The following APOM variants were observed in gnomAD, a reference collection of about 807,000 sequenced individuals.
The protein encoded by APOM is apolipoprotein M.
Under a neutral mutation model 23.5 loss-of-function variants are expected in APOM, and 24 were observed. The observed-to-expected ratio is 1.02, with a 90% CI of 0.74 to 1.44. APOM has a LOEUF of 1.44. Among genes scored for constraint, APOM ranks in the 40% most tolerant of loss-of-function variants. APOM has a pLI of 0.00. For synonymous variants in APOM, 82 were observed against 84.1 expected (o/e 0.97, Z 0.14); for missense variants, 200 against 233.2 (o/e 0.86, Z 0.93).
intron 5 of APOM, 35 bp downstream of exon 5, chr6:31,657,758 A>G (rs1800288027): frequency 1.3e-6 from 2 of 1,555,062 alleles, no homozygotes. Context: ...CAGGATTAGG[A>G]CTCACCAAGT....
At chr6:31,656,317 T>C (rs1296827674) in intron 1 of APOM, among the ~76,000 whole-genome samples, 155 bp from the exon 2 acceptor site, 1 of 152,092 alleles carries the variant, frequency 6.6e-6, no homozygotes, top group African/African-American at 2.4e-5. Context: ...GGAAAAGTCA[T>C]TTAATGACTC....
chr6:31,653,359 G>A (rs1476395894), upstream of APOM, among the ~76,000 whole-genome samples: 1 of 152,148 alleles, frequency 6.6e-6, no homozygotes, highest in Non-Finnish European at 1.5e-5. Flanking sequence ...CTGGGCCAAG[G>A]GCCTCGGCCC....
rs750264591 is a variant in APOM, at chr6:31,657,654, G to A, written c.472G>A (p.Val158Met). The A allele has an allele frequency of 2.5e-6, 4 of 1,613,170 alleles. No homozygotes were observed. In the Admixed American group the frequency reaches 6.7e-5, roughly 27 times the overall value. Reference sequence around the variant, plus strand: ...CTCACCACATCCTCCCGAAAAGTGTGTGGAGGAATTCAAGTCCCTGACTTC... The same window carrying A: ...CTCACCACATCCTCCCGAAAAGTGTATGGAGGAATTCAAGTCCCTGACTTC... ...NRSPHPPEKC[V>M]EEFKSLTSCL... Residue 158 changes from valine to methionine, a missense_variant, in exon 5 of 6, where the codon GTG becomes ATG. Transcript: ENST00000375916.
upstream of APOM, among the ~76,000 whole-genome samples, chr6:31,655,190 C>T (rs980265417): frequency 6.6e-6 from 1 of 152,240 alleles, no homozygotes; most frequent in African/African-American, 2.4e-5. Context: ...ATCCGCCCAC[C>T]TTGGCCTCTC....
In APOM at chr6:31,656,475, C is replaced by T. The variant is rs767015043; in HGVS notation, c.118C>T (p.Pro40Ser). ...TTLGVDGKEF[P>S]EVHLGQWYFI... ...GCTCCCTTCATTGTCTCTCCAGTTC[C>T]CAGAGGTCCACTTGGGCCAGTGGTA... is the stretch of plus-strand genomic sequence containing the variant. The change falls in exon 2 of 6, where the codon CCA becomes TCA. Residue 40 changes from proline (P) to serine (S), a missense_variant. Pro to Ser is a moderately conservative substitution (Grantham distance 74). Transcript: ENST00000375916. The T allele has an allele frequency of 4.3e-6, 7 of 1,613,836 alleles. No individual in the cohort carries two copies. The highest frequency in any genetic ancestry group is 5.9e-6 in the Non-Finnish European group (7 of 1,179,894).
intron 2 of APOM, among the ~76,000 whole-genome samples, chr6:31,656,858 C>T (rs1364111873): frequency 1.3e-5 from 2 of 152,062 alleles, no homozygotes; most frequent in South Asian, 2.1e-4. Context: ...AAATAGAAGC[C>T]GGGACAGGCC....
At chr6:31,658,012 T>C (rs1015252531) in intron 5 of APOM, 52 bp from the exon 6 acceptor site, 1 of 1,608,588 alleles carries the variant, frequency 6.2e-7, no homozygotes, top group Admixed American at 1.7e-5. Context: ...TCAACTTTGC[T>C]TTTCTCCCTG....
Position 31,658,055 on chromosome 6 carries a change from C to T in APOM, c.542-9C>T, listed in dbSNP as rs1297801637. 20 of 1,614,004 alleles carry T rather than the reference C, an allele frequency of 1.2e-5. No homozygotes were observed. Among genetic ancestry groups the T allele is most frequent in the Non-Finnish European group, 1.6e-5 (19 of 1,180,012 alleles). ...CTTCTGTCCTTCTTTTTCCCTCCCCCCATCACAGAGGCCTGTGAGCTGTCC... is the reference window on the plus strand; with the variant it reads ...CTTCTGTCCTTCTTTTTCCCTCCCCTCATCACAGAGGCCTGTGAGCTGTCC... On this transcript the variant is annotated splice_polypyrimidine_tract_variant and intron_variant, in intron 5 of 5. Transcript: ENST00000375916.
chr6:31,654,015 G>A (rs1378358840), upstream of APOM, among the ~76,000 whole-genome samples: 3 of 152,096 alleles, frequency 2.0e-5, no homozygotes, highest in Non-Finnish European at 4.4e-5. Flanking sequence ...GGGAGGATGA[G>A]GCGGGTGGAT....
rs1432154791 is a variant in APOM at position 31,657,625 on chromosome 6, A to T, written c.443A>T (p.Asn148Ile). The T allele has an allele frequency of 1.2e-6, 2 of 1,612,824 alleles. No individual in the cohort carries two copies. The highest frequency in any genetic ancestry group is 1.7e-5 in the Admixed American group (1 of 59,992). ...GQGYQRFLLY[N>I]RSPHPPEKCV... Reference sequence around the variant, plus strand: ...GCCTGACCCCACCTTGCCCTTCCAGATCGCTCACCACATCCTCCCGAAAAG... The same window carrying T: ...GCCTGACCCCACCTTGCCCTTCCAGTTCGCTCACCACATCCTCCCGAAAAG... Residue 148 changes from asparagine (N) to isoleucine (I), a missense_variant and splice_region_variant, in exon 5 of 6, where the codon AAT (asparagine) becomes ATT (isoleucine). By Grantham distance (149) the Asn-to-Ile change is moderately radical (BLOSUM62 -3). Transcript: ENST00000375916.
intron 1 of APOM, 104 bp from the exon 2 acceptor site, chr6:31,656,368 G>A: frequency 1.6e-6 from 2 of 1,257,176 alleles, no homozygotes; most frequent in Non-Finnish European, 2.2e-6. Flanking sequence ...GAGGAAGGCA[G>A]CCAACACCTC....
At chr6:31,657,863 C>A in intron 5 of APOM, 140 bp downstream of exon 5, 1 of 972,656 alleles carries the variant, frequency 1.0e-6, no homozygotes, top group Non-Finnish European at 1.6e-6. Flanking sequence ...AGGATGGGTT[C>A]TGGGCTACTC....
At chr6:31,656,777 A>T (rs183968326) in intron 2 of APOM, 151 bp downstream of exon 2, 1 of 1,007,050 alleles carries the variant, frequency 9.9e-7, no homozygotes, top group African/African-American at 1.6e-5. Context: ...CTGGAGAAAG[A>T]TGTGCCTAAC....
chr6:31,658,114 G>T lies in APOM; in HGVS notation c.*25G>T. 6.2e-7 allele frequency: 1 copy of T among 1,613,476 alleles called. No homozygotes were observed. Among genetic ancestry groups the T allele is most frequent in the Non-Finnish European group, 8.5e-7 (1 of 1,179,418 alleles). On this transcript the variant is annotated 3_prime_UTR_variant, in exon 6 of 6. Transcript: ENST00000375916. ...ACCTGTAACTTCATCTAAGTCCCCAGATGGGTACAATGGGAGCTGAGTTGT... is the reference window on the plus strand; with the variant it reads ...ACCTGTAACTTCATCTAAGTCCCCATATGGGTACAATGGGAGCTGAGTTGT...
chr6:31,656,072 G>A lies in APOM; in HGVS notation c.106G>A (p.Gly36Arg). 6.4e-7 allele frequency: 1 copy of A among 1,565,350 alleles called. No homozygotes were observed. The highest frequency in any genetic ancestry group is 8.7e-7 in the Non-Finnish European group (1 of 1,154,298). Residue 36 changes from glycine to arginine, a missense_variant, in exon 1 of 6, where the codon GGG (glycine) becomes AGG (arginine). Physicochemically the swap from Gly to Arg is moderately radical, Grantham distance 125 (BLOSUM62 -2). Coordinates refer to ENST00000375916, the MANE Select transcript of APOM (RefSeq NM_019101.3). The part of the protein sequence containing the change: ...HSQLTTLGVD[G>R]KEFPEVHLGQ... ...TCAACTGACAACTCTGGGCGTGGAT[G>A]GGAAGGAGGTATGGACTGAGATTGG...
At chr6:31,658,041 C>T (rs1800330933) in intron 5 of APOM, 23 bp from the exon 6 acceptor site, 1 of 1,613,934 alleles carries the variant, frequency 6.2e-7, no homozygotes, top group African/African-American at 1.3e-5. Context: ...TTCTGTCCTT[C>T]TTTTTCCCTC....
chr6:31,657,301 T>C lies in APOM; in HGVS notation c.343+3T>C. The C allele has an allele frequency of 4.3e-6, 7 of 1,613,092 alleles. No individual in the cohort carries two copies. The highest frequency in any genetic ancestry group is 5.1e-6 in the Non-Finnish European group (6 of 1,180,032). ...GAGCACAGATCTCAGAACTGAAGGT[T>C]GGTTCTTCCCAGCCCTCACCCTCCC... On this transcript the variant is annotated splice_donor_region_variant and intron_variant, in intron 3 of 5. Coordinates refer to ENST00000375916, the MANE Select transcript of APOM (RefSeq NM_019101.3).
chr6:31,657,871 C>A (rs2151147360), intron 5 of APOM, 148 bp downstream of exon 5: 1 of 965,510 alleles, frequency 1.0e-6, no homozygotes, highest in East Asian at 2.5e-5. Flanking sequence ...TTCTGGGCTA[C>A]TCAAAAGAGA....
At chr6:31,656,221 A>G (rs1583535008) in intron 1 of APOM, 141 bp downstream of exon 1, 1 of 800,464 alleles carries the variant, frequency 1.2e-6, no homozygotes, top group Non-Finnish European at 2.0e-6. Context: ...AAGAAGAAAA[A>G]TATCAGTACT....
Sources: allele counts gnomAD v4.1 joint callset (sites outside exome capture counted in the v4.1 genomes callset), GRCh38; gene constraint gnomAD v4.1.1; transcripts MANE v1.5; gene names NCBI Gene and HGNC (gene_info 2026-07-23, HGNC 2026-07-21).